The following ITGB5 variants were observed in gnomAD, a reference collection of about 807,000 sequenced individuals.
ITGB5 encodes the protein integrin beta-5.
Under a neutral mutation model 84.8 loss-of-function variants are expected in ITGB5, and 38 were observed. That is an observed-to-expected ratio of 0.45 (90% CI 0.35 to 0.59). The LOEUF (loss-of-function observed/expected upper bound fraction) is 0.59, where lower values mean the gene tolerates loss of function less well. Ranked by LOEUF, ITGB5 falls within the 20% of genes least tolerant of loss-of-function variation. The probability of loss-of-function intolerance (pLI) is 0.01; values close to 1 mark genes in which losing one functional copy is unlikely to be tolerated. For missense variants in ITGB5, 905 were observed against 1,034.5 expected (o/e 0.87, Z 1.72); for synonymous variants, 393 against 414.4 (o/e 0.95, Z 0.63).
In ITGB5 at chr3:124,762,763, T is replaced by TATCTATC. The variant is rs3059020; in HGVS notation, c.*859_*860insGATAGAT. 9.7e-6 allele frequency: 1 copy of TATCTATC among 102,980 alleles called. No individual in the cohort carries two copies. Among genetic ancestry groups the TATCTATC allele is most frequent in the Non-Finnish European group, 2.1e-5 (1 of 46,924 alleles). The allele number at this position is 102,980 out of a possible 1,614,324, so 6.4% of individuals were successfully genotyped here. On this transcript the variant is annotated 3_prime_UTR_variant, in exon 15 of 15. Coordinates refer to ENST00000296181, the MANE Select transcript of ITGB5 (RefSeq NM_002213.5). ...AGTAAAAGCTGGAAGGGGCCAAAGG[T>TATCTATC]ATCTGCTCAGTGTTCCCCCTTGCAC...
chr3:124,821,713 C>T (rs904835933), intron 5 of ITGB5, among the ~76,000 whole-genome samples: 2 of 152,256 alleles, frequency 1.3e-5, no homozygotes. Context: ...TCTTTGCCCA[C>T]TTTGGCCAAT....
At chr3:124,841,933 G>A (rs1339815390) in intron 4 of ITGB5, among the ~76,000 whole-genome samples, 1 of 152,202 alleles carries the variant, frequency 6.6e-6, no homozygotes, top group African/African-American at 2.4e-5. Flanking sequence ...CTGGGCTAAG[G>A]AACATGGATG....
chr3:124,837,195 C>A (rs888219410), intron 5 of ITGB5, among the ~76,000 whole-genome samples: 9 of 152,236 alleles, frequency 5.9e-5, no homozygotes, highest in African/African-American at 1.9e-4. Context: ...CACCCTCTGT[C>A]CTCCCTAGGC....
chr3:124,802,931 TGAGTA>T (rs1238351529), intron 9 of ITGB5, among the ~76,000 whole-genome samples: 1 of 151,542 alleles, frequency 6.6e-6, no homozygotes, highest in East Asian at 2.0e-4. Context: ...ACTGGGACAG[TGAGTA>T]GAAACAAAGG....
intron 10 of ITGB5, chr3:124,792,799 G>C (rs1296073352): frequency 6.6e-6 from 1 of 152,088 alleles, no homozygotes; most frequent in Non-Finnish European, 1.5e-5. Context: ...GAGCACCAGG[G>C]GTTTTTGGAT....
chr3:124,766,455 G>T, intron 12 of ITGB5, 110 bp from the exon 13 acceptor site: 1 of 1,337,494 alleles, frequency 7.5e-7, no homozygotes, highest in Admixed American at 2.2e-5. Context: ...CATGGGGGGT[G>T]TGGGCAGAAA....
chr3:124,878,135 C>T (rs1444752969), intron 1 of ITGB5, among the ~76,000 whole-genome samples: 1 of 152,164 alleles, frequency 6.6e-6, no homozygotes, highest in African/African-American at 2.4e-5. Flanking sequence ...TAGACGTGAG[C>T]CACCGTATCC....
chr3:124,827,617 C>T (rs2064801291), intron 5 of ITGB5, among the ~76,000 whole-genome samples: 1 of 152,170 alleles, frequency 6.6e-6, no homozygotes, highest in Non-Finnish European at 1.5e-5. Flanking sequence ...ACCCTCACGC[C>T]CTGCTGGTAG....
chr3:124,798,560 C>G (rs2064268953), intron 9 of ITGB5, among the ~76,000 whole-genome samples: 1 of 152,038 alleles, frequency 6.6e-6, no homozygotes, highest in East Asian at 1.9e-4. Context: ...GCTGGGATTA[C>G]AGGTGCCTGT....
rs79096019 is a variant in ITGB5, at chr3:124,859,431, G to A, written c.172C>T (p.Arg58Trp). Residue 58 changes from arginine to tryptophan, a missense_variant, in exon 3 of 15, where the codon CGG (arginine) becomes TGG (tryptophan). Coordinates refer to ENST00000296181, the MANE Select transcript of ITGB5 (RefSeq NM_002213.5). ...AGATCACACCGAGAGGTGATGGACC[G>A]TGGGCTTCCGAAGTCCTAGGCAGGG... ...WCSKEDFGSP[R>W]SITSRCDLRA... The A allele has an allele frequency of 5.6e-4, 901 of 1,613,792 alleles. 1 individual carries two copies. The highest frequency in any genetic ancestry group is 1.2e-3 in the African/African-American group (93 of 74,980).
intron 10 of ITGB5, among the ~76,000 whole-genome samples, chr3:124,779,431 C>G (rs946346042): frequency 1.3e-5 from 2 of 152,124 alleles, no homozygotes; most frequent in Admixed American, 6.5e-5. Flanking sequence ...CCAACCTCCC[C>G]CTACCCTGTG....
chr3:124,827,902 C>G (rs2064805845), intron 5 of ITGB5, among the ~76,000 whole-genome samples: 1 of 151,572 alleles, frequency 6.6e-6, no homozygotes, highest in South Asian at 2.1e-4. Context: ...CCTTGTGACC[C>G]CCACCCCTGC....
chr3:124,885,417 A>G lies in ITGB5; in HGVS notation c.70+1514T>C, dbSNP rs147969011. Among the ~76,000 whole-genome samples, 1,142 of 152,302 alleles carry G rather than the reference A, an allele frequency of 7.5e-3. 9 individuals are homozygous for G. Among genetic ancestry groups the G allele is most frequent in the African/African-American group, 0.026 (1,067 of 41,558 alleles). On this transcript the variant is annotated intron_variant, in intron 1 of 14. Coordinates refer to ENST00000296181, the MANE Select transcript of ITGB5 (RefSeq NM_002213.5). Reference sequence around the variant, plus strand: ...ATTTCAAAGAAAACTAAGATTTAAAAACAAAACAAAAGAAACAAACAGAAA... The same window carrying G: ...ATTTCAAAGAAAACTAAGATTTAAAGACAAAACAAAAGAAACAAACAGAAA...
intron 9 of ITGB5, among the ~76,000 whole-genome samples, chr3:124,797,571 G>A (rs1328028928): frequency 2.0e-5 from 3 of 152,218 alleles, no homozygotes; most frequent in Non-Finnish European, 4.4e-5. Flanking sequence ...GCTTCTCACA[G>A]ATTGCCTTGA....
intron 4 of ITGB5, among the ~76,000 whole-genome samples, chr3:124,846,051 T>G (rs555317927): frequency 6.6e-6 from 1 of 151,994 alleles, no homozygotes; most frequent in East Asian, 1.9e-4. Flanking sequence ...GAATTTAGAG[T>G]TCATTTGTAT....
At chr3:124,883,957 G>T (rs1934690632) in intron 1 of ITGB5, among the ~76,000 whole-genome samples, 2 of 152,162 alleles carry the variant, frequency 1.3e-5, no homozygotes, top group Non-Finnish European at 2.9e-5. Context: ...TGTTTGAAAT[G>T]AGCCCCTGAA....
chr3:124,861,299 G>A (rs558423658), intron 2 of ITGB5, among the ~76,000 whole-genome samples: 16 of 151,774 alleles, frequency 1.1e-4, no homozygotes, highest in Admixed American at 3.9e-4. Context: ...AACACTTGTT[G>A]TGCAACAAGG....
At chr3:124,813,134 C>T (rs2064531434) in intron 8 of ITGB5, among the ~76,000 whole-genome samples, 1 of 152,204 alleles carries the variant, frequency 6.6e-6, no homozygotes, top group African/African-American at 2.4e-5. Context: ...GGACCAGGGG[C>T]CCGTGCTGGG....
At chr3:124,891,606 A>C (rs1935003511), upstream of ITGB5, among the ~76,000 whole-genome samples, 2 of 151,754 alleles carry the variant, frequency 1.3e-5, no homozygotes, top group African/African-American at 4.8e-5. Flanking sequence ...AAAAAAAAAA[A>C]AAAAAGGAAA....
Sources: allele counts gnomAD v4.1 joint callset (sites outside exome capture counted in the v4.1 genomes callset), GRCh38; gene constraint gnomAD v4.1.1; transcripts MANE v1.5; gene names NCBI Gene and HGNC (gene_info 2026-07-23, HGNC 2026-07-21).